RTN4IP1: variants seen among roughly 807,000 people sequenced by gnomAD.
The protein encoded by RTN4IP1 is reticulon 4 interacting protein 1.
A neutral mutation model predicts 46.6 loss-of-function variants in RTN4IP1; 32 were observed. That is an observed-to-expected ratio of 0.69 (90% confidence interval 0.52 to 0.92). RTN4IP1 has a LOEUF of 0.92. RTN4IP1 is among the 40% of genes least tolerant of loss of function. RTN4IP1 has a pLI of 0.00. For missense variants in RTN4IP1, 424 were observed against 485.8 expected (o/e 0.87, Z 1.20); for synonymous variants, 167 against 161.8 (o/e 1.03, Z -0.24).
chr6:106,619,252 A>G lies in RTN4IP1; in HGVS notation c.570T>C (p.Ser190=), dbSNP rs547939510. 1.9e-6 allele frequency: 3 copies of G among 1,614,218 alleles called. No homozygotes were observed. The highest frequency in any genetic ancestry group is 3.3e-5 in the Admixed American group (2 of 60,030). The change falls in exon 4 of 9, where the codon TCT becomes TCC. Residue 190 remains serine, a synonymous_variant. Transcript: ENST00000369063. ...SLPYVALTAW[S]AINKVGGLND... is the part of the protein sequence containing the mutation. The stretch of plus-strand genomic sequence containing the variant: ...TCAGGCCACCAACTTTGTTTATAGC[A>G]GACCAGGCTGTGAGAGCCACATATG...
intron 5 of RTN4IP1, among the ~76,000 whole-genome samples, chr6:106,597,828 A>G (rs929818155): frequency 1.3e-5 from 2 of 151,878 alleles, no homozygotes; most frequent in African/African-American, 4.8e-5. Flanking sequence ...TATATCTCCC[A>G]ACGCTATCCC....
intron 4 of RTN4IP1, among the ~76,000 whole-genome samples, chr6:106,610,656 C>T (rs1776201974): frequency 6.6e-6 from 1 of 151,792 alleles, no homozygotes; most frequent in Non-Finnish European, 1.5e-5. Flanking sequence ...AAAGTGTGTA[C>T]AGAAATACTC....
chr6:106,589,900 C>T (rs1775603035), intron 6 of RTN4IP1, among the ~76,000 whole-genome samples: 1 of 152,220 alleles, frequency 6.6e-6, no homozygotes. Context: ...AGCAAGACCA[C>T]TTGCCAGGAA....
chr6:106,593,529 T>C (rs1013842172), intron 5 of RTN4IP1, among the ~76,000 whole-genome samples: 26 of 152,202 alleles, frequency 1.7e-4, no homozygotes, highest in Non-Finnish European at 2.9e-5. Context: ...GTCCTAAGTA[T>C]CAATTTCCTG....
intron 5 of RTN4IP1, among the ~76,000 whole-genome samples, chr6:106,600,747 C>T (rs1775926074): frequency 6.6e-6 from 1 of 152,122 alleles, no homozygotes; most frequent in Non-Finnish European, 1.5e-5. Flanking sequence ...GTATCATCAT[C>T]AATATTTTAT....
At chr6:106,630,365 A>C (rs1776796953), upstream of RTN4IP1, among the ~76,000 whole-genome samples, 2 of 151,504 alleles carry the variant, frequency 1.3e-5, no homozygotes, top group Non-Finnish European at 2.9e-5. Context: ...GGTATTTCTG[A>C]ATTCTTAATA....
At chr6:106,589,165 AGGCGGTG>A (rs1582865920) in intron 6 of RTN4IP1, among the ~76,000 whole-genome samples, 22 of 46,766 alleles carry the variant, frequency 4.7e-4, no homozygotes, top group East Asian at 5.5e-4. Flanking sequence ...AAGGAGGAGG[AGGCGGTG>A]GAGGAGGAGG....
intron 6 of RTN4IP1, among the ~76,000 whole-genome samples, chr6:106,589,474 TACTTA>T (rs993705071): frequency 1.3e-5 from 2 of 151,946 alleles, no homozygotes; most frequent in East Asian, 1.9e-4. Flanking sequence ...AATCTGAGGA[TACTTA>T]ACTTAAAGAA....
At position 106,619,606 on chromosome 6, in the gene RTN4IP1, A is replaced by ATTT. The variant is rs869120910; in HGVS notation, c.496-283_496-281dup. Among the ~76,000 whole-genome samples, 110 of 110,464 alleles carry ATTT rather than the reference A, an allele frequency of 1.0e-3. 1 individual carries two copies. The highest frequency in any genetic ancestry group is 1.2e-3 in the Non-Finnish European group (66 of 56,372). 72.5% of individuals were successfully genotyped at this position (110,464 alleles called of 152,430 possible). On this transcript the variant is annotated intron_variant, in intron 3 of 8. Transcript: ENST00000369063. ...ATGAATAGTAAGTATACTTTTCTTC[A>ATTT]TTTTTTTTTTTTTTTTTTTTTTTGA...
intron 8 of RTN4IP1, among the ~76,000 whole-genome samples, chr6:106,574,958 G>A (rs998190296): frequency 1.4e-4 from 22 of 152,258 alleles, no homozygotes; most frequent in Middle Eastern, 3.4e-3. Flanking sequence ...AGCAATTCCC[G>A]TAAGTGACAA....
rs372227699 is a variant in RTN4IP1, at chr6:106,599,301, TAACA to T, written c.669+3569_669+3572del. Among the ~76,000 whole-genome samples, 42 of 152,158 alleles carry T rather than the reference TAACA, an allele frequency of 2.8e-4. 1 individual carries two copies. Among genetic ancestry groups the T allele is most frequent in the African/African-American group, 9.9e-4 (41 of 41,534 alleles). The stretch of plus-strand genomic sequence containing the variant: ...GCATACAGAATATAAATATACAGCT[TAACA>T]AATTATTACAAAGCAAATATTATTA... On this transcript the variant is annotated intron_variant, in intron 5 of 8. Transcript: ENST00000369063.
At chr6:106,619,380 A>G in intron 3 of RTN4IP1, 54 bp from the exon 4 acceptor site, 2 of 1,600,586 alleles carry the variant, frequency 1.2e-6, no homozygotes, top group Non-Finnish European at 1.7e-6. Flanking sequence ...ACCTATGAAC[A>G]CAATTAAGCA....
At chr6:106,574,534 T>A (rs1775172192) in intron 8 of RTN4IP1, among the ~76,000 whole-genome samples, 1 of 152,110 alleles carries the variant, frequency 6.6e-6, no homozygotes, top group Non-Finnish European at 1.5e-5. Flanking sequence ...GTTTTCAGGA[T>A]GCTGTTTACC....
chr6:106,625,254 C>T (rs1261941077), intron 1 of RTN4IP1, among the ~76,000 whole-genome samples: 1 of 151,986 alleles, frequency 6.6e-6, no homozygotes, highest in East Asian at 1.9e-4. Context: ...GCATGCTCCA[C>T]AGTCACTAAC....
intron 5 of RTN4IP1, among the ~76,000 whole-genome samples, chr6:106,597,691 C>CTT (rs978214429): frequency 5.1e-5 from 7 of 136,116 alleles, no homozygotes; most frequent in East Asian, 2.1e-4. Flanking sequence ...CATTTTGTTT[C>CTT]TTTTTTTTTT....
At chr6:106,610,762 C>G (rs914360434) in intron 4 of RTN4IP1, among the ~76,000 whole-genome samples, 4 of 152,088 alleles carry the variant, frequency 2.6e-5, no homozygotes, top group Admixed American at 2.0e-4. Context: ...CTTTGGAAGT[C>G]AGAAGGGATT....
At chr6:106,611,070 A>G (rs1776212418) in intron 4 of RTN4IP1, among the ~76,000 whole-genome samples, 1 of 151,896 alleles carries the variant, frequency 6.6e-6, no homozygotes, top group South Asian at 2.1e-4. Flanking sequence ...CAAAAACACG[A>G]AACATGCTAC....
In RTN4IP1 at chr6:106,583,563, G is replaced by C. The variant is rs566836919; in HGVS notation, c.991-143C>G. ...TGACAAAATGTGTGCACAGCACCTTGGCACAATGACTGACAGAGAATGGAT... is the reference window on the plus strand; with the variant it reads ...TGACAAAATGTGTGCACAGCACCTTCGCACAATGACTGACAGAGAATGGAT... On this transcript the variant is annotated intron_variant, in intron 7 of 8. Transcript: ENST00000369063. 1.6e-5 allele frequency: 10 copies of C among 629,126 alleles called. No individual in the cohort carries two copies. In the South Asian group the frequency reaches 1.9e-4, roughly 12 times the overall value. 39.0% of individuals were successfully genotyped at this position (629,126 alleles called of 1,614,324 possible).
intron 1 of RTN4IP1, among the ~76,000 whole-genome samples, chr6:106,628,469 A>C (rs79773152): frequency 1.4e-5 from 2 of 144,574 alleles, no homozygotes; most frequent in African/African-American, 5.6e-5. Context: ...CTCAGTCTCA[A>C]AAAAAAAAAA....
Sources: allele counts gnomAD v4.1 joint callset (sites outside exome capture counted in the v4.1 genomes callset), GRCh38; gene constraint gnomAD v4.1.1; transcripts MANE v1.5; gene names NCBI Gene and HGNC (gene_info 2026-07-23, HGNC 2026-07-21).